TBC1D9: variants seen among roughly 807,000 people sequenced by gnomAD.
TBC1D9 encodes TBC1 domain family member 9A.
In TBC1D9, 63 loss-of-function variants were observed where a neutral mutation model predicts 132.0. The ratio of observed to expected loss-of-function variants is 0.48; its 90% CI spans 0.39 to 0.59. The LOEUF is 0.59. Ranked by LOEUF, TBC1D9 falls within the 20% of genes least tolerant of loss-of-function variation. The pLI is 0.00. For missense variants in TBC1D9, 1,261 were observed against 1,592.7 expected (o/e 0.79, Z 3.54); for synonymous variants, 610 against 609.9 (o/e 1.00, Z 0.00).
At position 140,746,303 on chromosome 4, in the gene TBC1D9, C is replaced by T. The variant is rs1040385466; in HGVS notation, c.130+9613G>A. Among the ~76,000 whole-genome samples the T allele has an allele frequency of 5.3e-5, 8 of 152,162 alleles. 1 individual carries two copies. Among genetic ancestry groups the T allele is most frequent in the African/African-American group, 1.9e-4 (8 of 41,438 alleles). On this transcript the variant is annotated intron_variant, in intron 1 of 20. Coordinates refer to ENST00000442267, the MANE Select transcript of TBC1D9 (RefSeq NM_015130.3). ...TTGTATAACGAGAAACTGTCTCCAT[C>T]TCTTGAGATATTTTAACTTGAAGCC...
chr4:140,688,738 A>G (rs1054069691), intron 2 of TBC1D9, among the ~76,000 whole-genome samples: 6 of 152,168 alleles, frequency 3.9e-5, no homozygotes, highest in African/African-American at 1.2e-4. Flanking sequence ...TGAAAATCAC[A>G]AGGGCTAATG....
intron 2 of TBC1D9, among the ~76,000 whole-genome samples, chr4:140,697,763 A>T (rs181181187): frequency 6.6e-6 from 1 of 152,388 alleles, no homozygotes; most frequent in East Asian, 1.9e-4. Flanking sequence ...GAGGAGTAGT[A>T]ACGTCAGGCA....
At chr4:140,694,205 G>GA (rs879532248) in intron 2 of TBC1D9, among the ~76,000 whole-genome samples, 2 of 151,998 alleles carry the variant, frequency 1.3e-5, no homozygotes, top group Non-Finnish European at 2.9e-5. Flanking sequence ...AATAGTAGGG[G>GA]AAAAAACCCT....
chr4:140,628,143 C>A (rs1397939036), intron 17 of TBC1D9, among the ~76,000 whole-genome samples, 157 bp downstream of exon 17: 2 of 152,196 alleles, frequency 1.3e-5, no homozygotes. Flanking sequence ...CATGCTGATT[C>A]AAGAACTTAT....
intron 1 of TBC1D9, among the ~76,000 whole-genome samples, chr4:140,750,591 T>A (rs1431466603): frequency 1.3e-5 from 2 of 150,302 alleles, no homozygotes; most frequent in African/African-American, 4.9e-5. Flanking sequence ...TAAATGAAGC[T>A]TAAAACCTCT....
At chr4:140,755,131 T>A (rs1738988865) in intron 1 of TBC1D9, among the ~76,000 whole-genome samples, 1 of 152,192 alleles carries the variant, frequency 6.6e-6, no homozygotes, top group South Asian at 2.1e-4. Flanking sequence ...AACACAGAGA[T>A]GGAGAAGGTC....
Position 140,657,144 on chromosome 4 carries a change from G to C in TBC1D9, c.2290C>G (p.Pro764Ala), listed in dbSNP as rs774239522. 5.0e-6 allele frequency: 8 copies of C among 1,613,850 alleles called. No homozygotes were observed. The African/African-American group carries it at 9.3e-5, about 19-fold the overall frequency. Reference sequence around the variant, plus strand: ...CTAAAGATGTCTACCTCAGGGTAAGGTTCCACATCATCGCTGAGCAAGGAG... The same window carrying C: ...CTAAAGATGTCTACCTCAGGGTAAGCTTCCACATCATCGCTGAGCAAGGAG... ...LHSLLSDDVE[P>A]YPEVDIFRLI... Residue 764 changes from proline to alanine, a missense_variant, in exon 13 of 21, where the codon CCT (proline) becomes GCT (alanine). Around this residue, in one of 3 missense-constraint regions of TBC1D9, gnomAD observed 618 missense variants for 724.4 expected, o/e 0.85. Transcript: ENST00000442267.
At chr4:140,637,894 G>A (rs1013684697) in intron 15 of TBC1D9, among the ~76,000 whole-genome samples, 1 of 152,218 alleles carries the variant, frequency 6.6e-6, no homozygotes, top group Admixed American at 6.5e-5. Flanking sequence ...CAGGGACTGT[G>A]TTATATTGAG....
chr4:140,719,627 T>C (rs1254313481), intron 1 of TBC1D9, among the ~76,000 whole-genome samples: 1 of 152,132 alleles, frequency 6.6e-6, no homozygotes, highest in African/African-American at 2.4e-5. Flanking sequence ...TGAGCACCTG[T>C]GGAGAGGAAG....
intron 1 of TBC1D9, among the ~76,000 whole-genome samples, chr4:140,740,403 T>C (rs1385002754): frequency 6.6e-6 from 1 of 152,224 alleles, no homozygotes; most frequent in Non-Finnish European, 1.5e-5. Flanking sequence ...TCCACACCAG[T>C]AATACCCAAT....
chr4:140,636,151 C>T (rs1343272121), intron 15 of TBC1D9, among the ~76,000 whole-genome samples: 1 of 152,098 alleles, frequency 6.6e-6, no homozygotes, highest in Non-Finnish European at 1.5e-5. Context: ...GCTGAGAGCC[C>T]ACAGACCATC....
At chr4:140,672,923 G>A (rs1367587466) in intron 6 of TBC1D9, among the ~76,000 whole-genome samples, 1 of 152,194 alleles carries the variant, frequency 6.6e-6, no homozygotes, top group African/African-American at 2.4e-5. Context: ...ACTTTGGGAG[G>A]CCTAAGTGGT....
rs753057125 is a variant in TBC1D9, at chr4:140,668,908, C to T, written c.1588+9G>A. On this transcript the variant is annotated intron_variant, in intron 9 of 20. Coordinates refer to ENST00000442267, the MANE Select transcript of TBC1D9 (RefSeq NM_015130.3). ...TTTGACGCCAGCATTCCCAGCCCAG[C>T]GGCCGTACCTGACAGCAGCAGCCAG... 2.3e-5 allele frequency: 37 copies of T among 1,612,714 alleles called. No individual in the cohort carries two copies. Among genetic ancestry groups the T allele is most frequent in the Admixed American group, 1.2e-4 (7 of 59,918 alleles).
At chr4:140,728,648 C>T (rs1033510699) in intron 1 of TBC1D9, among the ~76,000 whole-genome samples, 2 of 151,692 alleles carry the variant, frequency 1.3e-5, no homozygotes, top group African/African-American at 2.4e-5. Context: ...ATTACAGGTA[C>T]GTGCCACCAC....
intron 1 of TBC1D9, among the ~76,000 whole-genome samples, chr4:140,704,724 C>G (rs539594786): frequency 6.6e-6 from 1 of 152,300 alleles, no homozygotes; most frequent in East Asian, 1.9e-4. Context: ...CATATCTCCA[C>G]CACCACAATG....
At chr4:140,735,907 C>A (rs533195333) in intron 1 of TBC1D9, among the ~76,000 whole-genome samples, 2 of 152,010 alleles carry the variant, frequency 1.3e-5, no homozygotes, top group Non-Finnish European at 2.9e-5. Flanking sequence ...ACTAAGAAAG[C>A]GGGGATGGAT....
At chr4:140,732,028 G>T (rs1169628303) in intron 1 of TBC1D9, among the ~76,000 whole-genome samples, 1 of 152,106 alleles carries the variant, frequency 6.6e-6, no homozygotes, top group Non-Finnish European at 1.5e-5. Flanking sequence ...GCTCAGAAAG[G>T]ATATCTTTTT....
intron 13 of TBC1D9, among the ~76,000 whole-genome samples, chr4:140,641,184 C>T (rs185469765): frequency 1.0e-3 from 150 of 149,378 alleles, no homozygotes; most frequent in Non-Finnish European, 4.4e-4. Flanking sequence ...AGATCATCTA[C>T]GCTTTTAGAA....
chr4:140,732,632 C>T (rs1008020718), intron 1 of TBC1D9, among the ~76,000 whole-genome samples: 2 of 152,130 alleles, frequency 1.3e-5, no homozygotes, highest in African/African-American at 4.8e-5. Flanking sequence ...GTAACATCAG[C>T]CACACCATTA....
Sources: allele counts gnomAD v4.1 joint callset (sites outside exome capture counted in the v4.1 genomes callset), GRCh38; gene constraint gnomAD v4.1.1; regional missense constraint gnomAD v4.1.1; transcripts MANE v1.5; gene names NCBI Gene and HGNC (gene_info 2026-07-23, HGNC 2026-07-21).